The following DCC variants were observed in gnomAD, a reference collection of about 807,000 sequenced individuals.
DCC encodes the protein netrin receptor DCC.
A neutral mutation model predicts 172.5 loss-of-function variants in DCC; 58 were observed. The ratio of observed to expected loss-of-function variants is 0.34; its 90% CI spans 0.27 to 0.42. DCC has a LOEUF of 0.42. DCC is among the 10% of genes least tolerant of loss of function. The pLI, the probability that DCC is intolerant of heterozygous loss-of-function variation, is 1.00. For synonymous variants in DCC, 709 were observed against 644.5 expected, an observed-to-expected ratio of 1.10 and a Z score of -1.52; for missense variants, 1,740 against 1,791.0, an observed-to-expected ratio of 0.97 and a Z score of 0.51.
intron 1 of DCC, among the ~76,000 whole-genome samples, chr18:52,538,706 C>T (rs1232377390): frequency 1.3e-5 from 2 of 152,168 alleles, no homozygotes; most frequent in Non-Finnish European, 2.9e-5. Context: ...GAGCTGTGTC[C>T]CTACTACAGT....
chr18:52,945,787 CAACCT>C (rs1383162794), intron 5 of DCC, among the ~76,000 whole-genome samples: 1 of 152,166 alleles, frequency 6.6e-6, no homozygotes, highest in Non-Finnish European at 1.5e-5. Context: ...CACAAACTGA[CAACCT>C]AACGTCCAAA....
At chr18:53,242,402 C>T (rs1488068644) in intron 12 of DCC, among the ~76,000 whole-genome samples, 1 of 152,144 alleles carries the variant, frequency 6.6e-6, no homozygotes, top group Non-Finnish European at 1.5e-5. Flanking sequence ...ACACCTAACA[C>T]ATTATCTGAA....
chr18:52,543,862 A>G (rs2032535584), intron 1 of DCC, among the ~76,000 whole-genome samples: 2 of 152,218 alleles, frequency 1.3e-5, no homozygotes, highest in Non-Finnish European at 2.9e-5. Context: ...CCTGTGTCCT[A>G]TCAGAACCAG....
chr18:53,222,731 G>A (rs975000895), intron 12 of DCC, among the ~76,000 whole-genome samples: 2 of 152,090 alleles, frequency 1.3e-5, no homozygotes, highest in African/African-American at 4.8e-5. Context: ...TTAAAAAATT[G>A]TGAGAAATAT....
intron 1 of DCC, among the ~76,000 whole-genome samples, chr18:52,747,968 C>G (rs573941433): frequency 6.6e-6 from 1 of 152,342 alleles, no homozygotes; most frequent in Admixed American, 6.5e-5. Flanking sequence ...CTGCCTGGGC[C>G]TCACTGGGTT....
chr18:52,862,853 T>G (rs2039165392), intron 2 of DCC, among the ~76,000 whole-genome samples: 1 of 138,310 alleles, frequency 7.2e-6, no homozygotes, highest in Non-Finnish European at 1.7e-5. Flanking sequence ...CTTCCCTCTC[T>G]TTTATTTCTT....
chr18:52,889,189 A>G (rs1418315900), intron 2 of DCC, among the ~76,000 whole-genome samples: 1 of 152,068 alleles, frequency 6.6e-6, no homozygotes, highest in Non-Finnish European at 1.5e-5. Flanking sequence ...ACTTTTTCAT[A>G]TTCATTATGT....
intron 1 of DCC, among the ~76,000 whole-genome samples, chr18:52,705,602 G>T (rs768336161): frequency 1.3e-5 from 2 of 152,158 alleles, no homozygotes; most frequent in Non-Finnish European, 2.9e-5. Flanking sequence ...AAGCACAGGG[G>T]TTCTTTGGAC....
intron 27 of DCC, among the ~76,000 whole-genome samples, chr18:53,526,317 C>CTT (rs2046454782): frequency 6.6e-6 from 1 of 152,062 alleles, no homozygotes; most frequent in South Asian, 2.1e-4. Flanking sequence ...TTGCCTGACA[C>CTT]TTTATAGGGT....
intron 2 of DCC, among the ~76,000 whole-genome samples, chr18:52,797,488 T>C (rs1370998578): frequency 3.9e-5 from 6 of 152,246 alleles, no homozygotes; most frequent in Non-Finnish European, 7.3e-5. Context: ...TATAGCAGTG[T>C]AGTCTTTGTA....
intron 12 of DCC, among the ~76,000 whole-genome samples, chr18:53,259,104 C>T (rs932448027): frequency 8.5e-5 from 13 of 152,168 alleles, no homozygotes; most frequent in African/African-American, 3.1e-4. Flanking sequence ...CTGTGTGTGT[C>T]TCTGCACATG....
intron 5 of DCC, among the ~76,000 whole-genome samples, chr18:52,994,260 A>G (rs2041443349): frequency 6.6e-6 from 1 of 152,102 alleles, no homozygotes; most frequent in Non-Finnish European, 1.5e-5. Context: ...TTGAGAGTGA[A>G]TTAAGTAACA....
chr18:52,698,677 C>A (rs1264304665), intron 1 of DCC, among the ~76,000 whole-genome samples: 1 of 152,086 alleles, frequency 6.6e-6, no homozygotes, highest in Non-Finnish European at 1.5e-5. Context: ...CTGCTCACTG[C>A]AACCTCCACC....
chr18:52,915,357 G>C (rs918635971), intron 3 of DCC, among the ~76,000 whole-genome samples: 1 of 152,126 alleles, frequency 6.6e-6, no homozygotes, highest in Non-Finnish European at 1.5e-5. Context: ...GACCAACCTA[G>C]TCATCTACCA....
chr18:52,812,833 TG>T (rs1419818987), intron 2 of DCC, among the ~76,000 whole-genome samples: 2 of 152,172 alleles, frequency 1.3e-5, no homozygotes, highest in Non-Finnish European at 2.9e-5. Context: ...TACTGAACAC[TG>T]TTGGGCTGAG....
chr18:53,197,419 G>T (rs201855100), intron 9 of DCC, among the ~76,000 whole-genome samples: 130 of 119,464 alleles, frequency 1.1e-3, no homozygotes, highest in East Asian at 4.1e-3. Context: ...TTTTATTTTA[G>T]TTTTTTTTTT....
At chr18:52,509,158 A>T (rs1471897868) in intron 1 of DCC, among the ~76,000 whole-genome samples, 1 of 152,208 alleles carries the variant, frequency 6.6e-6, no homozygotes, top group Non-Finnish European at 1.5e-5. Context: ...AAAATTTTGC[A>T]TTTGAATTGA....
At chr18:52,801,634 G>C (rs1329889614) in intron 2 of DCC, among the ~76,000 whole-genome samples, 2 of 152,194 alleles carry the variant, frequency 1.3e-5, no homozygotes, top group African/African-American at 4.8e-5. Flanking sequence ...ATGCAGTAAA[G>C]TATATTTTGA....
At chr18:52,456,438 A>G (rs184482459) in intron 1 of DCC, among the ~76,000 whole-genome samples, 1 of 152,266 alleles carries the variant, frequency 6.6e-6, no homozygotes, top group East Asian at 1.9e-4. Context: ...CCTGGCACAC[A>G]TTTAAGATAT....
Sources: gnomAD v4.1 joint callset for allele counts (sites outside exome capture counted in the v4.1 genomes callset) on GRCh38, gnomAD v4.1.1 for gene constraint, MANE v1.5 for transcripts, NCBI Gene and HGNC (gene_info 2026-07-23, HGNC 2026-07-21) for gene names.